The following HEXB variants were observed in gnomAD, a reference collection of about 807,000 sequenced individuals.
HEXB encodes hexosaminidase subunit beta.
HEXB carries 51 observed loss-of-function variants against 71.2 expected under a neutral mutation model. The ratio of observed to expected loss-of-function variants is 0.72; its 90% CI spans 0.57 to 0.90. HEXB has a LOEUF of 0.90. Among genes scored for constraint, HEXB ranks in the 40% least tolerant of loss-of-function variants. The probability of loss-of-function intolerance (pLI) is 0.00; values close to 1 mark genes in which losing one functional copy is unlikely to be tolerated. For synonymous variants in HEXB, 266 were observed against 249.3 expected (o/e 1.07, Z -0.63); for missense variants, 617 against 677.0 (o/e 0.91, Z 0.98).
chr5:74,663,074 T>C (rs1283173433), intron 1 of HEXB, among the ~76,000 whole-genome samples: 2 of 152,234 alleles, frequency 1.3e-5, no homozygotes, highest in Non-Finnish European at 2.9e-5. Context: ...TCATAGCTTC[T>C]CTGTCAGTTT....
At chr5:74,693,167 G>A (rs2112135149) in intron 2 of HEXB, among the ~76,000 whole-genome samples, 1 of 152,266 alleles carries the variant, frequency 6.6e-6, no homozygotes, top group South Asian at 2.1e-4. Context: ...GGCCTTAAAG[G>A]GAGTAGATTT....
At chr5:74,651,717 T>A (rs9942344) in intron 1 of HEXB, among the ~76,000 whole-genome samples, 4,141 of 152,298 alleles carry the variant, frequency 0.027, 203 homozygotes, top group African/African-American at 0.095. Flanking sequence ...AACCTTTCTA[T>A]GGATAAACTA....
At chr5:74,712,922 TA>T (rs200315904) in intron 6 of HEXB, among the ~76,000 whole-genome samples, 4 of 150,708 alleles carry the variant, frequency 2.7e-5, no homozygotes, top group Non-Finnish European at 5.9e-5. Flanking sequence ...AGGTAATCAT[TA>T]AAAAAAAACA....
At chr5:74,716,769 C>A in intron 9 of HEXB, 96 bp downstream of exon 9, 1 of 795,556 alleles carries the variant, frequency 1.3e-6, no homozygotes, top group Non-Finnish European at 2.1e-6. Flanking sequence ...ACATCCTTTG[C>A]CTAAGTGTAG....
intron 5 of HEXB, among the ~76,000 whole-genome samples, chr5:74,702,549 CTTAT>C (rs1439960081): frequency 1.6e-4 from 25 of 152,134 alleles, no homozygotes; most frequent in African/African-American, 6.0e-4. Context: ...GACACAATGT[CTTAT>C]TTATTTCATT....
At chr5:74,687,346 T>C (rs1222937573) in intron 1 of HEXB, among the ~76,000 whole-genome samples, 1 of 152,170 alleles carries the variant, frequency 6.6e-6, no homozygotes, top group Non-Finnish European at 1.5e-5. Flanking sequence ...TTGTTCAGCA[T>C]CACATAGCCC....
chr5:74,682,246 T>A (rs1748751856), upstream of HEXB, among the ~76,000 whole-genome samples: 1 of 152,202 alleles, frequency 6.6e-6, no homozygotes, highest in Non-Finnish European at 1.5e-5. Context: ...TAGTCCCAGC[T>A]ACGCCGGAGG....
rs1749359852 is a variant in HEXB, at chr5:74,705,294, A to C, written c.745A>C (p.Ile249Leu). Residue 249 changes from isoleucine (I) to leucine (L), a missense_variant, in exon 6 of 14, where the codon ATC becomes CTC. Physicochemically the swap from Ile to Leu is conservative, Grantham distance 5. Coordinates refer to ENST00000261416, the MANE Select transcript of HEXB (RefSeq NM_000521.4). Reference protein sequence around the residue: ...VDDQSFPYQSITFPELSNKGS... With the variant: ...VDDQSFPYQSLTFPELSNKGS... ...TGACCAGTCTTTCCCATATCAGAGC[A>C]TCACTTTTCCTGAGTTAAGCAATAA... The C allele has an allele frequency of 6.2e-7, 1 of 1,605,166 alleles. No homozygotes were observed.
chr5:74,705,272 C>T lies in HEXB; in HGVS notation c.723C>T (p.Asp241=), dbSNP rs779260926. The T allele has an allele frequency of 2.5e-6, 4 of 1,611,464 alleles. No homozygotes were observed. The South Asian group carries it at 4.4e-5, about 18-fold the overall frequency. ...FNVLHWHIVD[D]QSFPYQSITF... ...TTCTTCACTGGCACATAGTTGATGA[C>T]CAGTCTTTCCCATATCAGAGCATCA... Residue 241 remains aspartate, a synonymous_variant, in exon 6 of 14, where the codon GAC becomes GAT. Transcript: ENST00000261416.
At chr5:74,670,894 A>T (rs1748524350) in intron 1 of HEXB, among the ~76,000 whole-genome samples, 1 of 152,040 alleles carries the variant, frequency 6.6e-6, no homozygotes, top group African/African-American at 2.4e-5. Context: ...CCCTCCCACC[A>T]GGGGCCAAGC....
At chr5:74,716,558 A>G in intron 8 of HEXB, 29 bp from the exon 9 acceptor site, 1 of 1,394,694 alleles carries the variant, frequency 7.2e-7, no homozygotes, top group Non-Finnish European at 1.0e-6. Flanking sequence ...TCAAACTTCT[A>G]ATGAAATTTT....
intron 5 of HEXB, among the ~76,000 whole-genome samples, chr5:74,699,418 GTGC>G (rs1208732773): frequency 1.3e-5 from 2 of 151,864 alleles, no homozygotes; most frequent in African/African-American, 4.8e-5. Context: ...GGGATTACAG[GTGC>G]CCACCACCAC....
chr5:74,648,578 G>A (rs1164229913), intron 1 of HEXB, among the ~76,000 whole-genome samples: 1 of 151,992 alleles, frequency 6.6e-6, no homozygotes, highest in Non-Finnish European at 1.5e-5. Context: ...AAACATCCCG[G>A]GGTTTTCCAA....
Position 74,713,646 on chromosome 5 carries a change from G to A in HEXB, c.901+11G>A, listed in dbSNP as rs1561225996. The A allele has an allele frequency of 1.9e-6, 3 of 1,607,328 alleles. No individual in the cohort carries two copies. The highest frequency in any genetic ancestry group is 1.7e-6 in the Non-Finnish European group (2 of 1,174,008). ...TATCTTGGGGAAAAGGTAAGGAGTTGTATTTTATTTCATTTTATCTTATTT... is the reference window on the plus strand; with the variant it reads ...TATCTTGGGGAAAAGGTAAGGAGTTATATTTTATTTCATTTTATCTTATTT... On this transcript the variant is annotated intron_variant, in intron 7 of 13. Coordinates refer to ENST00000261416, the MANE Select transcript of HEXB (RefSeq NM_000521.4).
At chr5:74,688,881 G>A (rs1047265005) in intron 1 of HEXB, among the ~76,000 whole-genome samples, 3 of 152,146 alleles carry the variant, frequency 2.0e-5, no homozygotes, top group African/African-American at 7.2e-5. Flanking sequence ...TCTCTGCTCT[G>A]TCCACTTTAG....
chr5:74,713,422 A>G (rs1179303620), intron 6 of HEXB, 84 bp from the exon 7 acceptor site: 5 of 1,343,814 alleles, frequency 3.7e-6, no homozygotes, highest in Non-Finnish European at 5.3e-6. Context: ...GCTGTCAAAT[A>G]TCAAATGCAA....
intron 2 of HEXB, 62 bp from the exon 3 acceptor site, chr5:74,693,577 C>T: frequency 8.7e-7 from 1 of 1,145,368 alleles, no homozygotes; most frequent in Non-Finnish European, 1.3e-6. Flanking sequence ...GTTTAGGAAA[C>T]TTATTGTGTG....
chr5:74,697,205 G>A (rs1012582383), intron 5 of HEXB, 99 bp downstream of exon 5: 7 of 722,212 alleles, frequency 9.7e-6, no homozygotes, highest in Non-Finnish European at 1.5e-5. Context: ...TGGAACAGGG[G>A]AATTTGTATA....
intron 1 of HEXB, among the ~76,000 whole-genome samples, chr5:74,648,916 G>A (rs1307635612): frequency 1.3e-5 from 2 of 152,178 alleles, no homozygotes; most frequent in Non-Finnish European, 2.9e-5. Flanking sequence ...GAACACTGTA[G>A]CACAGAACAC....
Sources: gnomAD v4.1 joint callset for allele counts (sites outside exome capture counted in the v4.1 genomes callset) on GRCh38, gnomAD v4.1.1 for gene constraint, MANE v1.5 for transcripts, NCBI Gene and HGNC (gene_info 2026-07-23, HGNC 2026-07-21) for gene names.